Variants in NRXN3 observed in about 807,000 individuals in gnomAD.
The protein encoded by NRXN3 is neurexin III.
In NRXN3, 32 loss-of-function variants were observed where a neutral mutation model predicts 137.6. The observed-to-expected ratio is 0.23, with a 90% confidence interval of 0.18 to 0.31. The LOEUF (loss-of-function observed/expected upper bound fraction) is 0.31, where lower values mean the gene tolerates loss of function less well. NRXN3 is among the 10% of genes least tolerant of loss of function. The pLI, the probability that NRXN3 is intolerant of heterozygous loss-of-function variation, is 1.00. For synonymous variants in NRXN3, 798 were observed against 784.5 expected (o/e 1.02, Z -0.29); for missense variants, 1,574 against 2,062.5 (o/e 0.76, Z 4.59).
chr14:78,953,847 A>G (rs2152955650), intron 10 of NRXN3, among the ~76,000 whole-genome samples: 1 of 152,340 alleles, frequency 6.6e-6, no homozygotes, highest in Admixed American at 6.5e-5. Flanking sequence ...GTTGCAGATC[A>G]TAACTTTCCT....
chr14:79,422,262 C>A (rs541545779), intron 15 of NRXN3, among the ~76,000 whole-genome samples: 67 of 152,046 alleles, frequency 4.4e-4, no homozygotes, highest in African/African-American at 1.6e-3. Flanking sequence ...GGAGGTCTCA[C>A]CATGTTGCCT....
chr14:78,934,590 C>G (rs550956208), intron 10 of NRXN3, among the ~76,000 whole-genome samples: 3 of 152,264 alleles, frequency 2.0e-5, no homozygotes, highest in Non-Finnish European at 2.9e-5. Context: ...AGCAACAGGT[C>G]TCCCTGTTGG....
At chr14:79,204,691 A>G (rs1349162903) in intron 15 of NRXN3, among the ~76,000 whole-genome samples, 2 of 152,282 alleles carry the variant, frequency 1.3e-5, no homozygotes, top group Admixed American at 1.3e-4. Flanking sequence ...AGTGAAACCA[A>G]GCAGCTGTTG....
At chr14:78,235,895 G>A (rs753244322) in intron 1 of NRXN3, among the ~76,000 whole-genome samples, 11 of 152,166 alleles carry the variant, frequency 7.2e-5, no homozygotes, top group Non-Finnish European at 4.4e-5. Flanking sequence ...GGTATAGAGT[G>A]GGCTCAAAAG....
At chr14:78,889,636 C>A (rs569663607) in intron 10 of NRXN3, among the ~76,000 whole-genome samples, 1 of 152,010 alleles carries the variant, frequency 6.6e-6, no homozygotes, top group African/African-American at 2.4e-5. Flanking sequence ...AGAGCTGGTA[C>A]TCTGAGTACT....
intron 20 of NRXN3, among the ~76,000 whole-genome samples, chr14:79,822,241 T>A (rs529653406): frequency 6.6e-6 from 1 of 152,314 alleles, no homozygotes; most frequent in Non-Finnish European, 1.5e-5. Context: ...CCTAGAGTAC[T>A]GGTTCCCAAG....
At chr14:79,358,607 GAGAAAGAA>G (rs751796019) in intron 15 of NRXN3, among the ~76,000 whole-genome samples, 2,032 of 79,926 alleles carry the variant, frequency 0.025, 56 homozygotes, top group African/African-American at 0.058. Flanking sequence ...AAGAAAGAAA[GAGAAAGAA>G]AGAAAGAAAG....
chr14:78,593,841 C>T (rs1225070474), intron 4 of NRXN3, among the ~76,000 whole-genome samples: 1 of 152,160 alleles, frequency 6.6e-6, no homozygotes, highest in East Asian at 1.9e-4. Context: ...GCTGAAATCT[C>T]TCACCACCCC....
chr14:79,053,869 A>G (rs1020279571), intron 15 of NRXN3, among the ~76,000 whole-genome samples: 17 of 152,106 alleles, frequency 1.1e-4, no homozygotes, highest in Admixed American at 2.0e-4. Context: ...CAAGTCTTCT[A>G]TGCCACATTG....
intron 16 of NRXN3, among the ~76,000 whole-genome samples, chr14:79,510,543 G>A (rs1054489896): frequency 6.6e-6 from 1 of 152,172 alleles, no homozygotes; most frequent in African/African-American, 2.4e-5. Flanking sequence ...ACTGAGGCCA[G>A]ATAGGAAGAC....
chr14:79,744,254 T>C (rs2098972064), intron 19 of NRXN3, among the ~76,000 whole-genome samples: 2 of 152,186 alleles, frequency 1.3e-5, no homozygotes, highest in South Asian at 4.1e-4. Flanking sequence ...TATGATCAAT[T>C]TCTGCCTCCA....
At chr14:78,196,985 C>T (rs1043385281) in intron 1 of NRXN3, among the ~76,000 whole-genome samples, 7 of 152,182 alleles carry the variant, frequency 4.6e-5, no homozygotes, top group African/African-American at 1.7e-4. Context: ...GGGTTTGGAG[C>T]TGGAGGATGT....
chr14:79,743,112 G>A (rs968843345), intron 19 of NRXN3, among the ~76,000 whole-genome samples: 1 of 152,100 alleles, frequency 6.6e-6, no homozygotes, highest in Non-Finnish European at 1.5e-5. Context: ...ATGAGTCCAC[G>A]GAGGTTCATC....
intron 15 of NRXN3, among the ~76,000 whole-genome samples, chr14:79,162,387 G>A (rs1596640751): frequency 6.7e-6 from 1 of 149,988 alleles, no homozygotes; most frequent in East Asian, 2.0e-4. Flanking sequence ...GTGAGAATAT[G>A]CGGTGTTTGG....
At chr14:78,206,814 G>A (rs1420609881) in intron 1 of NRXN3, among the ~76,000 whole-genome samples, 1 of 152,124 alleles carries the variant, frequency 6.6e-6, no homozygotes, top group African/African-American at 2.4e-5. Flanking sequence ...GTTACACAGT[G>A]AGTTGGCCTC....
chr14:78,225,768 T>G (rs562463050), intron 1 of NRXN3, among the ~76,000 whole-genome samples: 55 of 152,200 alleles, frequency 3.6e-4, no homozygotes, highest in African/African-American at 1.1e-3. Context: ...TTACTTGTGG[T>G]TTTCCTTCTG....
At chr14:79,208,250 A>G (rs953577651) in intron 15 of NRXN3, among the ~76,000 whole-genome samples, 1 of 152,162 alleles carries the variant, frequency 6.6e-6, no homozygotes, top group Non-Finnish European at 1.5e-5. Context: ...CTGATGATAA[A>G]TTTGGGGGTC....
intron 16 of NRXN3, among the ~76,000 whole-genome samples, chr14:79,525,987 T>A (rs1438322808): frequency 1.3e-5 from 2 of 152,178 alleles, no homozygotes; most frequent in African/African-American, 4.8e-5. Flanking sequence ...GCTCAAGGGA[T>A]CCTCTCAACT....
At chr14:79,315,619 CAATA>C (rs1387124290) in intron 15 of NRXN3, among the ~76,000 whole-genome samples, 1 of 152,144 alleles carries the variant, frequency 6.6e-6, no homozygotes, top group Non-Finnish European at 1.5e-5. Context: ...AAAAATATTA[CAATA>C]AATAACATCA....
Sources: allele counts gnomAD v4.1 joint callset (sites outside exome capture counted in the v4.1 genomes callset), GRCh38; gene constraint gnomAD v4.1.1; transcripts MANE v1.5; gene names NCBI Gene and HGNC (gene_info 2026-07-23, HGNC 2026-07-21).